Variants in POM121C observed in about 807,000 individuals in gnomAD.
The protein encoded by POM121C is nuclear envelope pore membrane protein POM 121C.
A neutral mutation model predicts 66.4 loss-of-function variants in POM121C; 20 were observed. That is an observed-to-expected ratio of 0.30 (90% CI 0.21 to 0.44). The LOEUF is 0.44. Among genes scored for constraint, POM121C ranks in the 20% least tolerant of loss-of-function variants. The pLI is 1.00. For synonymous variants in POM121C, 286 were observed against 528.0 expected (o/e 0.54, Z 6.28); for missense variants, 580 against 1,225.7 (o/e 0.47, Z 7.87).
At position 75,421,777 on chromosome 7, in the gene POM121C, C is replaced by T. The variant is rs587682396; in HGVS notation, c.2475G>A (p.Ser825=). Residue 825 remains serine, a synonymous_variant, in exon 13 of 15, where the codon TCG becomes TCA. Coordinates refer to ENST00000615331, the MANE Select transcript of POM121C (RefSeq NM_001099415.3). ...TQTASSGSSS[S]VFGSTTPSPF... ...GTGATGGTGTTGTGCTGCCAAACAC[C>T]GAGCTGCTGCTCCCGCTGCTGGCGG... 2.6e-5 allele frequency: 41 copies of T among 1,607,690 alleles called. No individual in the cohort carries two copies. In the Admixed American group the frequency reaches 2.7e-4, roughly 11 times the overall value.
rs782647451 is a variant in POM121C, at chr7:75,424,050, T to C, written c.1047A>G (p.Pro349=). The change falls in exon 12 of 15, where the codon CCA becomes CCG. Residue 349 remains proline (P), a splice_region_variant and synonymous_variant. Transcript: ENST00000615331. ...ATCCACGGCCCCACTCCAGCTCACC[T>C]GGGCAGGGTGGCAGGCTCGGGGGAG... is the stretch of plus-strand genomic sequence containing the variant. The part of the protein sequence containing the change: ...MQTPPSLPPC[P]ESAGAATTEA... 3.7e-6 allele frequency: 6 copies of C among 1,611,090 alleles called. No individual in the cohort carries two copies. The highest frequency in any genetic ancestry group is 1.3e-5 in the African/African-American group (1 of 74,754).
At position 75,417,350 on chromosome 7, in the gene POM121C, T is replaced by C. The variant is rs1178133973; in HGVS notation, c.*1446A>G. On this transcript the variant is annotated 3_prime_UTR_variant, in exon 15 of 15. Transcript: ENST00000615331. Reference sequence around the variant, plus strand: ...AACTATACAGCTAATTCCTAGTTAATAGCATTTATACTTAACCACCTCAAT... The same window carrying C: ...AACTATACAGCTAATTCCTAGTTAACAGCATTTATACTTAACCACCTCAAT... The C allele has an allele frequency of 1.2e-6, 1 of 865,730 alleles. No homozygotes were observed. The highest frequency in any genetic ancestry group is 1.8e-5 in the African/African-American group (1 of 54,700). The allele number at this position is 865,730 out of a possible 1,614,324, so 53.6% of individuals were successfully genotyped here.
At chr7:75,419,834 C>A in intron 13 of POM121C, 1 of 201,142 alleles carries the variant, frequency 5.0e-6, no homozygotes, top group Non-Finnish European at 1.0e-5. Context: ...CCTGGTTTGT[C>A]CGTCCTGTGT....
At chr7:75,465,895 C>CA (rs35108311) in intron 3 of POM121C, among the ~76,000 whole-genome samples, 1,326 of 15,278 alleles carry the variant, frequency 0.087, 405 homozygotes, top group Non-Finnish European at 0.11. Flanking sequence ...CACCCTGTCT[C>CA]AAAAAAAAAA....
intron 7 of POM121C, among the ~76,000 whole-genome samples, chr7:75,431,603 C>CAAAA (rs71098029): frequency 1.6e-4 from 8 of 50,760 alleles, no homozygotes; most frequent in East Asian, 7.5e-4. Context: ...AACTCCGTCT[C>CAAAA]AAAAAAAAAA....
chr7:75,452,589 G>T (rs1447773302), intron 3 of POM121C, among the ~76,000 whole-genome samples: 2 of 152,164 alleles, frequency 1.3e-5, no homozygotes, highest in Admixed American at 6.5e-5. Flanking sequence ...ATGCTAGAAT[G>T]ATCTTTGTTC....
At chr7:75,449,930 G>A (rs1432802638) in intron 3 of POM121C, among the ~76,000 whole-genome samples, 2 of 152,124 alleles carry the variant, frequency 1.3e-5, no homozygotes, top group South Asian at 2.1e-4. Context: ...CAGGAGAATC[G>A]CTTGAACCCA....
rs1584650816 is a variant in POM121C at position 75,425,682 on chromosome 7, C to T, written c.599G>A (p.Ser200Asn). The T allele has an allele frequency of 6.2e-7, 1 of 1,612,626 alleles. No individual in the cohort carries two copies. Among genetic ancestry groups the T allele is most frequent in the East Asian group, 2.2e-5 (1 of 44,880 alleles). ...GTCTGCTGCCAATGGAGTTGAAGAA[C>T]TGGAATGATGACACAGCTCTTCTTC... is the stretch of plus-strand genomic sequence containing the variant. ...IREEELCHHS[S>N]SSTPLAADKE... Residue 200 changes from serine to asparagine, a missense_variant, in exon 9 of 15, where the codon AGT becomes AAT. Coordinates refer to ENST00000615331, the MANE Select transcript of POM121C (RefSeq NM_001099415.3).
intron 3 of POM121C, among the ~76,000 whole-genome samples, chr7:75,468,551 T>G (rs1172553030): frequency 6.6e-6 from 1 of 152,044 alleles, no homozygotes; most frequent in Non-Finnish European, 1.5e-5. Flanking sequence ...ACTCCCAACC[T>G]CAGGTGATCC....
At chr7:75,446,805 C>G (rs1399606732) in intron 3 of POM121C, among the ~76,000 whole-genome samples, 1 of 151,586 alleles carries the variant, frequency 6.6e-6, no homozygotes, top group African/African-American at 2.4e-5. Flanking sequence ...GTCAGGAGAT[C>G]GAGACCATCC....
intron 3 of POM121C, among the ~76,000 whole-genome samples, chr7:75,473,311 A>C (rs1449611299): frequency 6.6e-6 from 1 of 152,026 alleles, no homozygotes; most frequent in Non-Finnish European, 1.5e-5. Context: ...ACGGGATACA[A>C]AGAAAACCAA....
rs781913712 is a variant in POM121C, at chr7:75,439,198, T to C, written c.254A>G (p.His85Arg). The C allele has an allele frequency of 1.5e-5, 24 of 1,614,262 alleles. No homozygotes were observed. The East Asian group carries it at 5.1e-4, about 34-fold the overall frequency. Residue 85 changes from histidine (H) to arginine (R), a missense_variant, in exon 6 of 15, where the codon CAT (histidine) becomes CGT (arginine). Physicochemically the swap from His to Arg is conservative, Grantham distance 29. Transcript: ENST00000615331. ...GGCCACCAGGGGCTCAAATGCTGAA[T>C]GTCCACTGCCACTGCTATCATGGCG... Reference protein sequence around the residue: ...RRRHDSSGSGHSAFEPLVASG... With the variant: ...RRRHDSSGSGRSAFEPLVASG...
At chr7:75,475,936 T>C (rs1225133090) in intron 1 of POM121C, among the ~76,000 whole-genome samples, 1 of 151,662 alleles carries the variant, frequency 6.6e-6, no homozygotes, top group Non-Finnish European at 1.5e-5. Flanking sequence ...GGAGGAAGAA[T>C]ATGATGAGGT....
chr7:75,429,750 T>C (rs1301489075), intron 7 of POM121C, among the ~76,000 whole-genome samples: 2 of 152,222 alleles, frequency 1.3e-5, no homozygotes, highest in African/African-American at 2.4e-5. Context: ...TGGTGGTTCA[T>C]GCCTATAATT....
rs1486521168 is a variant in POM121C, at chr7:75,418,531, C to T, written c.*265G>A. The T allele has an allele frequency of 1.6e-6, 2 of 1,275,086 alleles. No individual in the cohort carries two copies. Among genetic ancestry groups the T allele is most frequent in the Admixed American group, 7.6e-5 (2 of 26,342 alleles). 79.0% of individuals were successfully genotyped at this position (1,275,086 alleles called of 1,614,324 possible). On this transcript the variant is annotated 3_prime_UTR_variant, in exon 15 of 15. Transcript: ENST00000615331. ...AGGGCAGCGGACACTATGTACAGGT[C>T]CTTAGTTCTCCAGCCTCCCCAGTGG... is the stretch of plus-strand genomic sequence containing the variant.
Position 75,474,868 on chromosome 7 carries a change from T to C in POM121C, c.-316A>G. The C allele has an allele frequency of 3.3e-6, 4 of 1,199,878 alleles. No individual in the cohort carries two copies. Among genetic ancestry groups the C allele is most frequent in the East Asian group, 2.4e-5 (1 of 42,486 alleles). The allele number at this position is 1,199,878 out of a possible 1,614,324, so 74.3% of individuals were successfully genotyped here. A position where few individuals can be genotyped will look rare whatever the true frequency, so the allele number is the denominator to read the frequency against. ...TTCAGAATCTCCGAAGTACAAGATG[T>C]TGCCACCTCATAAGCTGCATAACAG... On this transcript the variant is annotated 5_prime_UTR_variant, in exon 3 of 15. Transcript: ENST00000615331.
At chr7:75,459,599 CAAAAAAAAAAAAAA>C (rs1211791667) in intron 3 of POM121C, among the ~76,000 whole-genome samples, 1 of 43,816 alleles carries the variant, frequency 2.3e-5, no homozygotes, top group Non-Finnish European at 3.7e-5. Flanking sequence ...GACTCTGTCT[CAAAAAAAAAAAAAA>C]AAAAAAAGAA....
At chr7:75,442,683 G>T (rs782424601) in intron 3 of POM121C, 6 of 1,416,548 alleles carry the variant, frequency 4.2e-6, no homozygotes, top group African/African-American at 1.5e-5. Context: ...GGCCGCCGCC[G>T]CTCGCCTGCT....
intron 1 of POM121C, among the ~76,000 whole-genome samples, chr7:75,478,396 C>T (rs59029472): frequency 2.6e-5 from 4 of 151,620 alleles, no homozygotes; most frequent in Admixed American, 6.6e-5. Context: ...GAAGAAGAAC[C>T]GAGGCAGATG....
Sources: gnomAD v4.1 joint callset for allele counts (sites outside exome capture counted in the v4.1 genomes callset) on GRCh38, gnomAD v4.1.1 for gene constraint, MANE v1.5 for transcripts, NCBI Gene and HGNC (gene_info 2026-07-23, HGNC 2026-07-21) for gene names.